The following CEP85L variants were observed in gnomAD, a reference collection of about 807,000 sequenced individuals.
CEP85L encodes centrosomal protein of 85 kDa-like.
A neutral mutation model predicts 100.3 loss-of-function variants in CEP85L; 60 were observed. That is an observed-to-expected ratio of 0.60 (90% CI 0.49 to 0.74). The LOEUF is 0.74. CEP85L is among the 30% of genes least tolerant of loss of function. The pLI is 0.00. For synonymous variants in CEP85L, 319 were observed against 322.7 expected, an observed-to-expected ratio of 0.99 and a Z score of 0.12; for missense variants, 973 against 936.2, an observed-to-expected ratio of 1.04 and a Z score of -0.51.
chr6:118,516,353 A>G (rs913152537), intron 4 of CEP85L, among the ~76,000 whole-genome samples: 1 of 152,164 alleles, frequency 6.6e-6, no homozygotes, highest in East Asian at 1.9e-4. Context: ...GGTTGAACTA[A>G]TTTACACTCC....
intron 2 of CEP85L, among the ~76,000 whole-genome samples, chr6:118,584,100 A>G (rs1435778675): frequency 6.6e-6 from 1 of 152,174 alleles, no homozygotes; most frequent in Non-Finnish European, 1.5e-5. Flanking sequence ...GACCTCTCTG[A>G]GTTCTCTCAA....
chr6:118,493,681 G>C (rs924396761), intron 5 of CEP85L, among the ~76,000 whole-genome samples: 2 of 152,084 alleles, frequency 1.3e-5, no homozygotes, highest in African/African-American at 4.8e-5. Flanking sequence ...GATAACCAAG[G>C]TTTAAGATTT....
chr6:118,568,070 A>G (rs1198467397), intron 2 of CEP85L, among the ~76,000 whole-genome samples: 1 of 152,184 alleles, frequency 6.6e-6, no homozygotes, highest in Non-Finnish European at 1.5e-5. Flanking sequence ...GCAGTTTTGG[A>G]AGTAAGTCAC....
chr6:118,600,813 A>T (rs1781747787), intron 2 of CEP85L, among the ~76,000 whole-genome samples: 1 of 151,452 alleles, frequency 6.6e-6, no homozygotes, highest in Admixed American at 6.6e-5. Flanking sequence ...AAAAAAAAAA[A>T]AATCTTGAGT....
chr6:118,607,071 AT>A (rs887931110), intron 2 of CEP85L, among the ~76,000 whole-genome samples: 11 of 150,304 alleles, frequency 7.3e-5, no homozygotes, highest in South Asian at 2.1e-4. Context: ...ATAAAGGAAA[AT>A]TTTTTTTTTC....
chr6:118,508,890 C>T (rs916417550), intron 5 of CEP85L, among the ~76,000 whole-genome samples: 1 of 152,028 alleles, frequency 6.6e-6, no homozygotes, highest in Non-Finnish European at 1.5e-5. Context: ...AAAAATCCTT[C>T]GCTAAAGAAA....
intron 3 of CEP85L, among the ~76,000 whole-genome samples, chr6:118,536,787 G>C (rs1162047408): frequency 6.6e-6 from 1 of 152,200 alleles, no homozygotes; most frequent in Non-Finnish European, 1.5e-5. Flanking sequence ...CAGAACTCTA[G>C]GAGAACAAAG....
chr6:118,508,569 A>G (rs1775791790), intron 5 of CEP85L, among the ~76,000 whole-genome samples: 1 of 152,096 alleles, frequency 6.6e-6, no homozygotes, highest in Admixed American at 6.6e-5. Context: ...CTCATTCTCT[A>G]CCTATGAGAC....
At chr6:118,505,275 T>C (rs977740184) in intron 5 of CEP85L, among the ~76,000 whole-genome samples, 10 of 151,756 alleles carry the variant, frequency 6.6e-5, no homozygotes, top group Non-Finnish European at 1.3e-4. Context: ...ACCCCGTCTC[T>C]AATAAAAATA....
chr6:118,613,556 A>G (rs1772798279), intron 2 of CEP85L, among the ~76,000 whole-genome samples: 1 of 152,124 alleles, frequency 6.6e-6, no homozygotes, highest in South Asian at 2.1e-4. Flanking sequence ...CAGGAGTTCA[A>G]GACCAGCCTG....
At chr6:118,519,584 C>CGG (rs56347032) in intron 4 of CEP85L, among the ~76,000 whole-genome samples, 274 of 2,710 alleles carry the variant, frequency 0.1, 53 homozygotes, top group East Asian at 0.21. Flanking sequence ...GTGTGTGTGG[C>CGG]GGGGGGGGGG....
intron 1 of CEP85L, among the ~76,000 whole-genome samples, chr6:118,635,148 A>C (rs1185939898): frequency 6.6e-6 from 1 of 152,220 alleles, no homozygotes; most frequent in Non-Finnish European, 1.5e-5. Context: ...TCCTAAGGAA[A>C]TATCAGACAA....
At chr6:118,468,495 T>C (rs1268996786) in intron 12 of CEP85L, among the ~76,000 whole-genome samples, 1 of 152,166 alleles carries the variant, frequency 6.6e-6, no homozygotes, top group Non-Finnish European at 1.5e-5. Context: ...ACTAGGATTA[T>C]TACTGTGGCA....
Position 118,643,682 on chromosome 6 carries a change from A to AG in CEP85L, c.73+7514dup, listed in dbSNP as rs1338729772. Among the ~76,000 whole-genome samples the AG allele has an allele frequency of 3.3e-5, 5 of 152,110 alleles. No individual in the cohort carries two copies. In the East Asian group the frequency reaches 9.6e-4, roughly 29 times the overall value. On this transcript the variant is annotated intron_variant, in intron 1 of 12. Coordinates refer to ENST00000368491, the MANE Select transcript of CEP85L (RefSeq NM_001042475.3). Reference sequence around the variant, plus strand: ...AAGTCTTTAAACAATTTACAGCAGGAGAAAAAAAACAAAAGTAGGGGTAGA... The same window carrying AG: ...AAGTCTTTAAACAATTTACAGCAGGAGGAAAAAAAACAAAAGTAGGGGTAGA...
chr6:118,679,211 T>C (rs1776570111), intron 1 of CEP85L, among the ~76,000 whole-genome samples: 1 of 152,240 alleles, frequency 6.6e-6, no homozygotes, highest in Admixed American at 6.5e-5. Flanking sequence ...TATACTCCTA[T>C]TATTTTTAAT....
At chr6:118,561,438 T>C (rs1049527646) in intron 3 of CEP85L, among the ~76,000 whole-genome samples, 2 of 152,146 alleles carry the variant, frequency 1.3e-5, no homozygotes, top group African/African-American at 2.4e-5. Context: ...CAGAATACTA[T>C]AACTCAAATT....
chr6:118,527,002 C>CTTTTTT lies in CEP85L; in HGVS notation c.1021-3088_1021-3083dup, dbSNP rs764883723. Among the ~76,000 whole-genome samples the CTTTTTT allele has an allele frequency of 4.9e-3, 479 of 98,680 alleles. 2 individuals are homozygous for CTTTTTT. The highest frequency in any genetic ancestry group is 9.1e-3 in the East Asian group (28 of 3,068). The allele number at this position is 98,680 out of a possible 152,430, so 64.7% of individuals were successfully genotyped here. On this transcript the variant is annotated intron_variant, in intron 3 of 12. Coordinates refer to ENST00000368491, the MANE Select transcript of CEP85L (RefSeq NM_001042475.3). ...CCACTGTTTCATTCCTTTACTTTTT[C>CTTTTTT]TTTTTTTTTTTTTTTTTTTTTTTTT...
chr6:118,622,468 G>A (rs554601680), intron 2 of CEP85L, among the ~76,000 whole-genome samples: 2 of 152,168 alleles, frequency 1.3e-5, no homozygotes, highest in South Asian at 2.1e-4. Context: ...ACCTTAACCT[G>A]TATACTGATA....
At chr6:118,586,358 C>T (rs1160298873) in intron 2 of CEP85L, among the ~76,000 whole-genome samples, 1 of 152,142 alleles carries the variant, frequency 6.6e-6, no homozygotes, top group Non-Finnish European at 1.5e-5. Flanking sequence ...AGCATGTAAC[C>T]TCTCTGGCTC....
Sources: allele counts gnomAD v4.1 joint callset (sites outside exome capture counted in the v4.1 genomes callset), GRCh38; gene constraint gnomAD v4.1.1; transcripts MANE v1.5; gene names NCBI Gene and HGNC (gene_info 2026-07-23, HGNC 2026-07-21).